Variants in SH3PXD2A observed in about 807,000 individuals in gnomAD.
SH3PXD2A encodes SH3 and PX domain-containing protein 2A.
Under a neutral mutation model 115.2 loss-of-function variants are expected in SH3PXD2A, and 32 were observed. That is an observed-to-expected ratio of 0.28 (90% CI 0.21 to 0.37). The LOEUF is 0.37. SH3PXD2A is among the 10% of genes least tolerant of loss of function. The pLI is 1.00. For synonymous variants in SH3PXD2A, 610 were observed against 629.1 expected, an observed-to-expected ratio of 0.97 and a Z score of 0.45; for missense variants, 1,328 against 1,498.7, an observed-to-expected ratio of 0.89 and a Z score of 1.88.
intron 11 of SH3PXD2A, among the ~76,000 whole-genome samples, chr10:103,616,391 C>T (rs1366619722): frequency 6.6e-6 from 1 of 152,196 alleles, no homozygotes; most frequent in African/African-American, 2.4e-5. Flanking sequence ...GTTCCAAGGA[C>T]ACCAAAAGCA....
Position 103,603,293 on chromosome 10 carries a change from C to T in SH3PXD2A, c.1925G>A (p.Ser642Asn), listed in dbSNP as rs773124770. ...TLSARGSSGD[S>N]DSPGSSSLSL... ...CAGCGAGGAGCTGCCTGGGGAGTCG[C>T]TGTCCCCGGAGGAGCCTCTGGCTGA... Residue 642 changes from serine (S) to asparagine (N), a missense_variant, in exon 15 of 15, where the codon AGC becomes AAC. Transcript: ENST00000369774. 1 of 1,613,976 alleles carries T rather than the reference C, an allele frequency of 6.2e-7. No individual in the cohort carries two copies. Among genetic ancestry groups the T allele is most frequent in the East Asian group, 2.2e-5 (1 of 44,868 alleles).
chr10:103,738,311 T>A (rs2038404327), intron 3 of SH3PXD2A, among the ~76,000 whole-genome samples: 1 of 152,202 alleles, frequency 6.6e-6, no homozygotes, highest in African/African-American at 2.4e-5. Context: ...CTACCCTTTT[T>A]TGGTTGCCTG....
intron 1 of SH3PXD2A, among the ~76,000 whole-genome samples, chr10:103,842,017 C>T (rs2039603981): frequency 6.6e-6 from 1 of 150,442 alleles, no homozygotes; most frequent in Non-Finnish European, 1.5e-5. Context: ...CCCAGCTACT[C>T]GGGAGGCTGA....
At chr10:103,607,336 C>T (rs1461152086) in intron 13 of SH3PXD2A, among the ~76,000 whole-genome samples, 14 of 151,960 alleles carry the variant, frequency 9.2e-5, no homozygotes, top group African/African-American at 2.9e-4. Flanking sequence ...CCCCTCCGAC[C>T]GGCAGCTGCC....
At chr10:103,633,727 CAAAAAAAAAAAAAAAA>C (rs35917262) in intron 8 of SH3PXD2A, among the ~76,000 whole-genome samples, 4 of 74,320 alleles carry the variant, frequency 5.4e-5, no homozygotes, top group African/African-American at 1.6e-4. Flanking sequence ...GATTCTGTCT[CAAAAAAAAAAAAAAAA>C]AAAAAAAAAA....
At chr10:103,769,012 G>A (rs2038787633) in intron 2 of SH3PXD2A, among the ~76,000 whole-genome samples, 1 of 151,930 alleles carries the variant, frequency 6.6e-6, no homozygotes, top group Non-Finnish European at 1.5e-5. Context: ...TATTCATGAG[G>A]GATCAGCCCT....
intron 2 of SH3PXD2A, among the ~76,000 whole-genome samples, chr10:103,798,766 G>A (rs1362194078): frequency 6.6e-6 from 1 of 152,234 alleles, no homozygotes; most frequent in Non-Finnish European, 1.5e-5. Context: ...CTGCCCCAGA[G>A]GACAGCTTCA....
chr10:103,698,641 T>G (rs1315127308), intron 5 of SH3PXD2A, among the ~76,000 whole-genome samples: 3 of 147,382 alleles, frequency 2.0e-5, no homozygotes, highest in Non-Finnish European at 4.5e-5. Flanking sequence ...TGATTTTGAC[T>G]GCTGTTATCA....
At chr10:103,633,803 T>C (rs1470509787) in intron 8 of SH3PXD2A, among the ~76,000 whole-genome samples, 1 of 138,836 alleles carries the variant, frequency 7.2e-6, no homozygotes, top group Admixed American at 7.4e-5. Context: ...AGGATTCTAA[T>C]AGGATCCTAA....
chr10:103,854,578 A>G (rs1842923278), intron 1 of SH3PXD2A, among the ~76,000 whole-genome samples: 1 of 152,178 alleles, frequency 6.6e-6, no homozygotes, highest in Non-Finnish European at 1.5e-5. Context: ...GAACCCGGTT[A>G]AGGGTCACGT....
At chr10:103,749,412 G>A (rs932986764) in intron 3 of SH3PXD2A, among the ~76,000 whole-genome samples, 3 of 152,208 alleles carry the variant, frequency 2.0e-5, no homozygotes, top group Non-Finnish European at 2.9e-5. Flanking sequence ...AAGGGCACCC[G>A]ACCTGGCAGC....
chr10:103,792,871 A>C (rs1170179340), intron 2 of SH3PXD2A, among the ~76,000 whole-genome samples: 1 of 152,250 alleles, frequency 6.6e-6, no homozygotes, highest in Non-Finnish European at 1.5e-5. Context: ...GGTTGGTTGT[A>C]ATGGGATCTA....
chr10:103,843,591 G>C (rs1442914752), intron 1 of SH3PXD2A, among the ~76,000 whole-genome samples: 1 of 152,168 alleles, frequency 6.6e-6, no homozygotes, highest in African/African-American at 2.4e-5. Context: ...TAGCAAGCTT[G>C]TTATCATATC....
intron 3 of SH3PXD2A, among the ~76,000 whole-genome samples, chr10:103,752,277 G>A (rs995737114): frequency 2.0e-5 from 3 of 152,202 alleles, no homozygotes; most frequent in Non-Finnish European, 4.4e-5. Context: ...CAGGCCTAGA[G>A]GACTCCTGTT....
At chr10:103,789,924 G>A (rs1193872779) in intron 2 of SH3PXD2A, among the ~76,000 whole-genome samples, 1 of 152,194 alleles carries the variant, frequency 6.6e-6, no homozygotes, top group Non-Finnish European at 1.5e-5. Context: ...ATTCAACAAT[G>A]AGAGAGGCAG....
intron 7 of SH3PXD2A, among the ~76,000 whole-genome samples, chr10:103,662,387 T>C (rs1409711040): frequency 2.4e-5 from 1 of 41,266 alleles, no homozygotes; most frequent in Non-Finnish European, 4.7e-5. Flanking sequence ...TATGATGTGC[T>C]TTTTTTTTTT....
At chr10:103,830,509 A>C (rs1003372548) in intron 1 of SH3PXD2A, among the ~76,000 whole-genome samples, 15 of 152,312 alleles carry the variant, frequency 9.8e-5, no homozygotes, top group African/African-American at 3.4e-4. Flanking sequence ...ATCTTTGTGG[A>C]GGTTTTAGGG....
chr10:103,843,479 T>G (rs1035551607), intron 1 of SH3PXD2A, among the ~76,000 whole-genome samples: 3 of 152,206 alleles, frequency 2.0e-5, no homozygotes, highest in African/African-American at 7.2e-5. Flanking sequence ...CTGAACCCTC[T>G]GAAGGGCCAG....
At chr10:103,689,702 T>C (rs1239497301) in intron 6 of SH3PXD2A, among the ~76,000 whole-genome samples, 2 of 152,108 alleles carry the variant, frequency 1.3e-5, no homozygotes, top group Admixed American at 6.6e-5. Flanking sequence ...CTTCTAGATG[T>C]TGGGCTTGAG....
Sources: gnomAD v4.1 joint callset for allele counts (sites outside exome capture counted in the v4.1 genomes callset) on GRCh38, gnomAD v4.1.1 for gene constraint, MANE v1.5 for transcripts, NCBI Gene and HGNC (gene_info 2026-07-23, HGNC 2026-07-21) for gene names.